Variants in TNRC18 observed in about 807,000 individuals in gnomAD.
The protein encoded by TNRC18 is trinucleotide repeat containing 18, also known as trinucleotide repeat-containing gene 18 protein.
Under a neutral mutation model 226.7 loss-of-function variants are expected in TNRC18, and 69 were observed. The ratio of observed to expected loss-of-function variants is 0.30; its 90% CI spans 0.25 to 0.37. The LOEUF is 0.37. TNRC18 is among the 10% of genes least tolerant of loss of function. TNRC18 has a pLI of 1.00. For synonymous variants in TNRC18, 2,449 were observed against 1,927.6 expected (o/e 1.27, Z -7.09); for missense variants, 4,754 against 4,256.6 (o/e 1.12, Z -3.25).
chr7:5,406,878 A>AAAAAG (rs1337847884), intron 2 of TNRC18, among the ~76,000 whole-genome samples: 4 of 152,128 alleles, frequency 2.6e-5, no homozygotes, highest in Admixed American at 6.5e-5. Context: ...AAAGAAAAGA[A>AAAAAG]AAAAGAAAAG....
intron 9 of TNRC18, 122 bp downstream of exon 9, chr7:5,375,912 A>C (rs1583974393): frequency 7.0e-6 from 7 of 1,001,244 alleles, no homozygotes; most frequent in Non-Finnish European, 1.0e-5. Context: ...CTCCCTGACC[A>C]CCTGCCCCTC....
At chr7:5,417,833 C>T (rs1782286518) in intron 2 of TNRC18, among the ~76,000 whole-genome samples, 2 of 152,182 alleles carry the variant, frequency 1.3e-5, no homozygotes, top group African/African-American at 4.8e-5. Flanking sequence ...CATCACTCTG[C>T]CAGCGGTCTT....
chr7:5,401,775 T>A (rs184742140), intron 2 of TNRC18, among the ~76,000 whole-genome samples: 1 of 152,138 alleles, frequency 6.6e-6, no homozygotes, highest in East Asian at 1.9e-4. Flanking sequence ...ATGCTGCACA[T>A]CGGAGGTACT....
intron 2 of TNRC18, among the ~76,000 whole-genome samples, chr7:5,400,437 C>T (rs569645841): frequency 6.6e-6 from 1 of 152,072 alleles, no homozygotes; most frequent in African/African-American, 2.4e-5. Flanking sequence ...TGGTGAAACT[C>T]CGTCTCTATT....
rs893771855 is a variant in TNRC18 at position 5,419,273 on chromosome 7, A to G, written c.187+1787T>C. Among the ~76,000 whole-genome samples the G allele has an allele frequency of 2.0e-5, 3 of 152,358 alleles. No homozygotes were observed. In the East Asian group the frequency reaches 5.8e-4, roughly 29 times the overall value. ...TAGTAGCTTGTTTTCACCGCTTCGC[A>G]TTAGGGCACTTTGCCTTGCCAGGCC... On this transcript the variant is annotated intron_variant, in intron 2 of 29. Transcript: ENST00000430969.
chr7:5,321,309 G>C, intron 21 of TNRC18, 119 bp from the exon 22 acceptor site: 1 of 680,664 alleles, frequency 1.5e-6, no homozygotes, highest in Non-Finnish European at 2.5e-6. Context: ...GGGTGGGCCT[G>C]TGGGGCTGAG....
At position 5,312,959 on chromosome 7, in the gene TNRC18, A is replaced by AGAGGAAGAGGAGGAG. The variant is rs780962462; in HGVS notation, c.7917_7931dup (p.Ser2667_Ser2671dup). 243 of 1,206,008 alleles carry AGAGGAAGAGGAGGAG rather than the reference A, an allele frequency of 2.0e-4. No homozygotes were observed. The highest frequency in any genetic ancestry group is 5.4e-4 in the Middle Eastern group (2 of 3,672). 74.7% of individuals were successfully genotyped at this position (1,206,008 alleles called of 1,614,324 possible). The stretch of plus-strand genomic sequence containing the variant: ...AGGAGGAGGAAGAGGAGGAAGACGA[A>AGAGGAAGAGGAGGAG]GAGGAAGAGGAGGAGGAGGAAGAGG... On this transcript the variant is annotated inframe_insertion, in exon 27 of 30. Transcript: ENST00000430969. This position sits in a 1 kb window ranked among gnomAD's most constrained non-coding sequence, Gnocchi z 6.3.
intron 2 of TNRC18, among the ~76,000 whole-genome samples, chr7:5,397,039 G>C (rs560553803): frequency 3.2e-4 from 49 of 152,262 alleles, no homozygotes; most frequent in African/African-American, 8.9e-4. Flanking sequence ...GAGCAGCAAG[G>C]GGTGCCCTCG....
chr7:5,353,599 C>T (rs904836076), intron 16 of TNRC18, among the ~76,000 whole-genome samples: 8 of 150,844 alleles, frequency 5.3e-5, no homozygotes, highest in Non-Finnish European at 1.0e-4. Flanking sequence ...GGCATGCCAG[C>T]GACCCCTACA....
At chr7:5,352,249 T>C (rs1265503065) in intron 16 of TNRC18, among the ~76,000 whole-genome samples, 155 bp from the exon 17 acceptor site, 1 of 152,238 alleles carries the variant, frequency 6.6e-6, no homozygotes, top group East Asian at 1.9e-4. Context: ...CCTTGCCCCA[T>C]GTCACCAGCT....
Position 5,313,013 on chromosome 7 carries a change from G to GGAGGAT in TNRC18, c.7877_7878insATCCTC (p.Ser2670_Ser2671dup), listed in dbSNP as rs1787415378. On this transcript the variant is annotated inframe_insertion, in exon 27 of 30. Coordinates refer to ENST00000430969, the MANE Select transcript of TNRC18 (RefSeq NM_001080495.3). ...AGGAGGAAGAGGAGGATGAGGAGGA[G>GGAGGAT]GAGGAGGAGGAGGAGGAGGATGAGG... 2.4e-6 allele frequency: 2 copies of GGAGGAT among 836,610 alleles called. No individual in the cohort carries two copies. The highest frequency in any genetic ancestry group is 3.8e-6 in the Non-Finnish European group (2 of 520,272). The allele number at this position is 836,610 out of a possible 1,614,324, so 51.8% of individuals were successfully genotyped here.
At chr7:5,420,554 G>A (rs1782499349) in intron 2 of TNRC18, 1 of 447,408 alleles carries the variant, frequency 2.2e-6, no homozygotes, top group South Asian at 1.6e-5. Context: ...ATCCCCCGGC[G>A]TACTCCCGCA....
intron 2 of TNRC18, chr7:5,407,542 C>A (rs1258750355): frequency 2.0e-5 from 3 of 152,284 alleles, no homozygotes; most frequent in African/African-American, 7.2e-5. Context: ...GATCACAGCA[C>A]CAGCCGGCAA....
chr7:5,403,754 C>T (rs1781271548), intron 2 of TNRC18, among the ~76,000 whole-genome samples: 2 of 151,290 alleles, frequency 1.3e-5, no homozygotes, highest in Admixed American at 1.3e-4. Context: ...TGCACCACTG[C>T]ACACCAGCCT....
chr7:5,377,439 T>A lies in TNRC18; in HGVS notation c.2393A>T (p.His798Leu). 6.3e-7 allele frequency: 1 copy of A among 1,591,812 alleles called. No individual in the cohort carries two copies. Among genetic ancestry groups the A allele is most frequent in the Non-Finnish European group, 8.5e-7 (1 of 1,170,462 alleles). Reference protein sequence around the residue: ...SGRWSADPAAHLATHPWLPRS... With the variant: ...SGRWSADPAALLATHPWLPRS... ...GGGCAACCAGGGGTGCGTGGCCAGA[T>A]GGGCTGCGGGGTCGGCAGACCAGCG... is the stretch of plus-strand genomic sequence containing the variant. Residue 798 changes from histidine (H) to leucine (L), a missense_variant, in exon 7 of 30, where the codon CAT (histidine) becomes CTT (leucine). By Grantham distance (99) the His-to-Leu change is moderately conservative (BLOSUM62 -3). Transcript: ENST00000430969. This position sits in a 1 kb window ranked among gnomAD's most constrained non-coding sequence, Gnocchi z 5.8.
intron 19 of TNRC18, among the ~76,000 whole-genome samples, chr7:5,327,898 G>C (rs558801306): frequency 6.6e-6 from 1 of 152,274 alleles, no homozygotes; most frequent in South Asian, 2.1e-4. Context: ...GCAGGAGACA[G>C]GCAGGCAGTG....
At position 5,307,224 on chromosome 7, in the gene TNRC18, C is replaced by T. The variant is rs1316488305; in HGVS notation, c.*882G>A. 6.7e-5 allele frequency: 10 copies of T among 148,992 alleles called. No homozygotes were observed. The highest frequency in any genetic ancestry group is 6.7e-4 in the Admixed American group (10 of 14,982). 9.2% of individuals were successfully genotyped at this position (148,992 alleles called of 1,614,324 possible). On this transcript the variant is annotated 3_prime_UTR_variant, in exon 30 of 30. Coordinates refer to ENST00000430969, the MANE Select transcript of TNRC18 (RefSeq NM_001080495.3). ...GTCAGAATGTTTTTTTTTATAATTT[C>T]ATAGCTATTTTTCACAGTTTTAAAA...
chr7:5,313,603 T>A lies in TNRC18; in HGVS notation c.7288A>T (p.Met2430Leu), dbSNP rs745866853. Reference sequence around the variant, plus strand: ...TTGGGCTTGGGGCGTGTGGCAGGCATGGTGATGAGGGGTGCTGGGGCCAGG... The same window carrying A: ...TTGGGCTTGGGGCGTGTGGCAGGCAAGGTGATGAGGGGTGCTGGGGCCAGG... ...TSLAPAPLIT[M>L]PATRPKPKKA... Residue 2430 changes from methionine to leucine, a missense_variant, in exon 27 of 30, where the codon ATG (methionine) becomes TTG (leucine). Physicochemically the swap from Met to Leu is conservative, Grantham distance 15. Transcript: ENST00000430969. 1 of 1,603,756 alleles carries A rather than the reference T, an allele frequency of 6.2e-7. No individual in the cohort carries two copies. The highest frequency in any genetic ancestry group is 8.5e-7 in the Non-Finnish European group (1 of 1,176,098).
intron 17 of TNRC18, among the ~76,000 whole-genome samples, chr7:5,346,051 G>C (rs1007695145): frequency 6.6e-6 from 1 of 152,258 alleles, no homozygotes; most frequent in African/African-American, 2.4e-5. Flanking sequence ...CAGCGGCCTT[G>C]TGTGTCAGGG....
Sources: gnomAD v4.1 joint callset for allele counts (sites outside exome capture counted in the v4.1 genomes callset) on GRCh38, gnomAD v4.1.1 for gene constraint, Gnocchi (gnomAD v3.1) non-coding constraint, MANE v1.5 for transcripts, NCBI Gene and HGNC (gene_info 2026-07-23, HGNC 2026-07-21) for gene names.